The following TFEC variants were observed in gnomAD, a reference collection of about 807,000 sequenced individuals.
TFEC encodes the protein transcription factor EC.
In TFEC, 31 loss-of-function variants were observed where a neutral mutation model predicts 41.6. The observed-to-expected ratio is 0.74, with a 90% CI of 0.56 to 1.01. The LOEUF is 1.01. TFEC is among the 50% of genes least tolerant of loss of function. The pLI, the probability that TFEC is intolerant of heterozygous loss-of-function variation, is 0.00. For synonymous variants in TFEC, 143 were observed against 140.6 expected, an observed-to-expected ratio of 1.02 and a Z score of -0.12; for missense variants, 402 against 404.1, an observed-to-expected ratio of 0.99 and a Z score of 0.04.
chr7:116,092,032 A>C (rs1426133284), intron 3 of TFEC, among the ~76,000 whole-genome samples: 2 of 152,164 alleles, frequency 1.3e-5, no homozygotes, highest in African/African-American at 4.8e-5. Context: ...TGCTCTGCAA[A>C]ATGCCATTTT....
intron 5 of TFEC, among the ~76,000 whole-genome samples, chr7:115,952,849 C>T (rs1297492226): frequency 6.6e-6 from 1 of 152,098 alleles, no homozygotes; most frequent in East Asian, 1.9e-4. Flanking sequence ...AGCACTCTTG[C>T]CTTCTCTGGC....
intron 3 of TFEC, among the ~76,000 whole-genome samples, chr7:115,966,904 CCTAATAACATGGG>C: frequency 6.6e-6 from 1 of 151,836 alleles, no homozygotes; most frequent in East Asian, 1.9e-4. Flanking sequence ...TTCCTTTCAC[CCTAATAACATGGG>C]GCTAACAAAC....
In TFEC at chr7:116,080,977, G is replaced by GTGTA. The variant is rs775697395; in HGVS notation, c.198+29730_198+29731insTACA. On this transcript the variant is annotated intron_variant, in intron 3 of 8. Transcript: ENST00000484212. Reference sequence around the variant, plus strand: ...TCAACGAGTGGATAAAGAAAATGTAGTGTGTGTGTGTGTGTGTGTGTGTGT... The same window carrying GTGTA: ...TCAACGAGTGGATAAAGAAAATGTAGTGTATGTGTGTGTGTGTGTGTGTGTGTGT... Among the ~76,000 whole-genome samples, 153 of 33,028 alleles carry GTGTA rather than the reference G, an allele frequency of 4.6e-3. 1 individual carries two copies. The highest frequency in any genetic ancestry group is 0.035 in the East Asian group (42 of 1,208). The allele number at this position is 33,028 out of a possible 152,430, so 21.7% of individuals were successfully genotyped here.
In TFEC at chr7:115,936,897, A is replaced by C. The variant is rs1793253495; in HGVS notation, c.*3654T>G. 1 of 151,628 alleles carries C rather than the reference A, an allele frequency of 6.6e-6. No individual in the cohort carries two copies. The highest frequency in any genetic ancestry group is 1.5e-5 in the Non-Finnish European group (1 of 67,692). 9.4% of individuals were successfully genotyped at this position (151,628 alleles called of 1,614,324 possible). ...TTTATTATTTAGGGCTTTTTTAAAA[A>C]CCTATATAAAGAAAGCCATGGTCAC... On this transcript the variant is annotated 3_prime_UTR_variant, in exon 8 of 8. Transcript: ENST00000265440.
At chr7:116,003,215 C>A (rs1362801977) in intron 1 of TFEC, among the ~76,000 whole-genome samples, 1 of 151,354 alleles carries the variant, frequency 6.6e-6, no homozygotes, top group African/African-American at 2.4e-5. Flanking sequence ...CAGCCTCACA[C>A]TCCTCTCTCA....
At chr7:116,044,715 T>G (rs1432381308) in intron 3 of TFEC, among the ~76,000 whole-genome samples, 1 of 152,240 alleles carries the variant, frequency 6.6e-6, no homozygotes, top group Non-Finnish European at 1.5e-5. Flanking sequence ...GCATCTTGAC[T>G]GCCTACACCT....
chr7:116,078,478 T>A (rs1378745452), intron 3 of TFEC, among the ~76,000 whole-genome samples: 3 of 151,860 alleles, frequency 2.0e-5, no homozygotes, highest in Non-Finnish European at 4.4e-5. Context: ...CCAAATAAGC[T>A]TAATTAGAAA....
At chr7:116,095,271 T>G (rs1445064310) in intron 3 of TFEC, among the ~76,000 whole-genome samples, 1 of 152,180 alleles carries the variant, frequency 6.6e-6, no homozygotes, top group African/African-American at 2.4e-5. Context: ...TTTTTCTGTT[T>G]TATTGAAAAC....
intron 3 of TFEC, among the ~76,000 whole-genome samples, chr7:116,074,049 C>T (rs1017454579): frequency 3.3e-4 from 50 of 151,846 alleles, no homozygotes; most frequent in Admixed American, 3.2e-3. Flanking sequence ...TTCTTCACAA[C>T]AAACACATTA....
intron 5 of TFEC, among the ~76,000 whole-genome samples, chr7:115,953,689 G>A (rs745811100): frequency 9.9e-5 from 15 of 151,928 alleles, no homozygotes; most frequent in Non-Finnish European, 1.8e-4. Context: ...TAAAGCCTTT[G>A]AGAATAAAAT....
In TFEC at chr7:115,968,291, G is replaced by A. The variant is rs1012627328; in HGVS notation, c.267+5879C>T. 118 of 1,516,726 alleles carry A rather than the reference G, an allele frequency of 7.8e-5. 1 individual carries two copies. The African/African-American group carries it at 1.5e-3, about 19-fold the overall frequency. 94.0% of individuals were successfully genotyped at this position (1,516,726 alleles called of 1,614,324 possible). A position where few individuals can be genotyped will look rare whatever the true frequency, so the allele number is the denominator to read the frequency against. On this transcript the variant is annotated intron_variant, in intron 3 of 7. Transcript: ENST00000265440. The stretch of plus-strand genomic sequence containing the variant: ...CTTGCAAACAATAACCAAGAGAACT[G>A]TGTGGAAACTTCTACACTAAAGTGA...
In TFEC at chr7:115,991,618, G is replaced by A. The variant is rs545807835; in HGVS notation, c.-72-7105C>T. Reference sequence around the variant, plus strand: ...GACTTTAAACCAACAAAGATCAAAAGAGACAAAGAAGGCCATTACATAATG... The same window carrying A: ...GACTTTAAACCAACAAAGATCAAAAAAGACAAAGAAGGCCATTACATAATG... On this transcript the variant is annotated intron_variant, in intron 1 of 7. Transcript: ENST00000265440. Among the ~76,000 whole-genome samples the A allele has an allele frequency of 3.3e-5, 5 of 152,218 alleles. No homozygotes were observed. In the South Asian group the frequency reaches 8.3e-4, roughly 25 times the overall value.
intron 3 of TFEC, among the ~76,000 whole-genome samples, chr7:116,088,904 C>T (rs1023497441): frequency 1.3e-5 from 2 of 152,006 alleles, no homozygotes; most frequent in Admixed American, 6.6e-5. Context: ...GGGAAATTTA[C>T]TGAGTGAGTA....
intron 3 of TFEC, among the ~76,000 whole-genome samples, chr7:116,062,271 C>A (rs767014495): frequency 9.4e-6 from 1 of 106,678 alleles, no homozygotes; most frequent in Non-Finnish European, 1.7e-5. Context: ...TTAGTAGAGA[C>A]AGTGTTTCAC....
At position 116,006,653 on chromosome 7, in the gene TFEC, T is replaced by C. The variant is rs181494827; in HGVS notation, c.-72-22140A>G. ...TTTGGACTGTGGACATTTGAGTTAA[T>C]GCTGAAATGGGTTAAGACTTTGGGG... On this transcript the variant is annotated intron_variant, in intron 1 of 7. Coordinates refer to ENST00000265440, the MANE Select transcript of TFEC (RefSeq NM_012252.4). 3.9e-5 allele frequency among the ~76,000 whole-genome samples: 6 copies of C among 152,290 alleles called. No individual in the cohort carries two copies. The East Asian group carries it at 7.7e-4, about 20-fold the overall frequency.
chr7:116,029,389 A>C (rs1481170425), intron 1 of TFEC, among the ~76,000 whole-genome samples: 5 of 152,190 alleles, frequency 3.3e-5, no homozygotes, highest in African/African-American at 4.8e-5. Flanking sequence ...GATTCATCTA[A>C]AATAGAAGTG....
At chr7:115,950,007 T>C (rs1298296494) in intron 6 of TFEC, among the ~76,000 whole-genome samples, 3 of 125,084 alleles carry the variant, frequency 2.4e-5, no homozygotes, top group Non-Finnish European at 1.6e-5. Flanking sequence ...ACAGATTCCA[T>C]GTTTTCACTT....
chr7:116,036,443 A>G (rs1337105615), intron 3 of TFEC, among the ~76,000 whole-genome samples: 1 of 152,082 alleles, frequency 6.6e-6, no homozygotes, highest in Non-Finnish European at 1.5e-5. Flanking sequence ...GCTTTCTGAA[A>G]CAAGCTGTCA....
intron 1 of TFEC, among the ~76,000 whole-genome samples, chr7:116,131,325 C>T (rs1798328198): frequency 1.3e-5 from 2 of 152,102 alleles, no homozygotes; most frequent in Admixed American, 1.3e-4. Flanking sequence ...GCACAAAGAC[C>T]AGCCACTGTA....
Sources: allele counts gnomAD v4.1 joint callset (sites outside exome capture counted in the v4.1 genomes callset), GRCh38; gene constraint gnomAD v4.1.1; transcripts MANE v1.5; gene names NCBI Gene and HGNC (gene_info 2026-07-23, HGNC 2026-07-21).